The following KDM4A variants were observed in gnomAD, a reference collection of about 807,000 sequenced individuals.
KDM4A encodes the protein lysine-specific demethylase 4A.
KDM4A carries 23 observed loss-of-function variants against 127.1 expected under a neutral mutation model. The observed-to-expected ratio is 0.18, with a 90% CI of 0.13 to 0.26. KDM4A has a LOEUF of 0.26. Among genes scored for constraint, KDM4A ranks in the 10% least tolerant of loss-of-function variants. The pLI, the probability that KDM4A is intolerant of heterozygous loss-of-function variation, is 1.00. For synonymous variants in KDM4A, 443 were observed against 466.5 expected, an observed-to-expected ratio of 0.95 and a Z score of 0.65; for missense variants, 890 against 1,329.1, an observed-to-expected ratio of 0.67 and a Z score of 5.14.
Position 43,665,765 on chromosome 1 carries a change from T to C in KDM4A, c.673+20T>C. 1.9e-6 allele frequency: 3 copies of C among 1,613,622 alleles called. No homozygotes were observed. The highest frequency in any genetic ancestry group is 1.3e-5 in the African/African-American group (1 of 75,012). ...CCAAAGGTACTGTGTCTCTTCTGTT[T>C]GCTGGATTGGACCCTCCTATGAGCT... On this transcript the variant is annotated intron_variant, in intron 6 of 21. Coordinates refer to ENST00000372396, the MANE Select transcript of KDM4A (RefSeq NM_014663.3).
At chr1:43,651,519 G>T (rs574209592) in intron 1 of KDM4A, among the ~76,000 whole-genome samples, 2 of 152,284 alleles carry the variant, frequency 1.3e-5, no homozygotes, top group South Asian at 4.1e-4. Flanking sequence ...TGTGCTCCGT[G>T]TTCTGCTCCC....
At chr1:43,681,870 G>C (rs1325029476) in intron 11 of KDM4A, among the ~76,000 whole-genome samples, 2 of 152,060 alleles carry the variant, frequency 1.3e-5, no homozygotes, top group Non-Finnish European at 2.9e-5. Flanking sequence ...GTAATATATA[G>C]GTTGGGGGTA....
rs1217281502 is a variant in KDM4A, at chr1:43,693,705, C to G, written c.2376-289C>G. On this transcript the variant is annotated intron_variant, in intron 16 of 21. Coordinates refer to ENST00000372396, the MANE Select transcript of KDM4A (RefSeq NM_014663.3). This position sits in a 1 kb window ranked among gnomAD's most constrained non-coding sequence, Gnocchi z 4.2. ...CTCACTCCCTGAGACCTGCCACACA[C>G]CATTAGCCTGCAGCTCTGTTCATTT... 2.6e-5 allele frequency among the ~76,000 whole-genome samples: 4 copies of G among 152,240 alleles called. No individual in the cohort carries two copies. The highest frequency in any genetic ancestry group is 9.6e-5 in the African/African-American group (4 of 41,456).
chr1:43,652,712 G>A (rs938467279), intron 1 of KDM4A, among the ~76,000 whole-genome samples: 1 of 127,136 alleles, frequency 7.9e-6, no homozygotes, highest in African/African-American at 3.1e-5. Context: ...ACGGAGTTTC[G>A]CTCTTGTTGC....
Position 43,669,114 on chromosome 1 carries a change from G to A in KDM4A, c.1178G>A (p.Arg393Gln), listed in dbSNP as rs773852936. The A allele has an allele frequency of 4.3e-5, 69 of 1,614,064 alleles. No homozygotes were observed. Among genetic ancestry groups the A allele is most frequent in the Admixed American group, 8.3e-5 (5 of 59,998 alleles). Residue 393 changes from arginine to glutamine, a missense_variant, in exon 10 of 22, where the codon CGA becomes CAA. Arg to Gln is a conservative substitution (Grantham distance 43). Around this residue, in one of 7 missense-constraint regions of KDM4A, gnomAD observed 389 missense variants for 485.9 expected, o/e 0.80. Coordinates refer to ENST00000372396, the MANE Select transcript of KDM4A (RefSeq NM_014663.3). ...CTCCCTTGCAGCCTGGCCAAGCACC[G>A]AATAGGGACAAAGAGGCACCGAGTT... ...GDLKTSLAKH[R>Q]IGTKRHRVCL...
intron 3 of KDM4A, among the ~76,000 whole-genome samples, chr1:43,659,400 C>T (rs1660320411): frequency 6.6e-6 from 1 of 152,078 alleles, no homozygotes; most frequent in South Asian, 2.1e-4. Flanking sequence ...CTGCAGACTC[C>T]TCCTCCTGGG....
chr1:43,670,468 C>T (rs1034882196), intron 10 of KDM4A, among the ~76,000 whole-genome samples: 1 of 152,036 alleles, frequency 6.6e-6, no homozygotes. Flanking sequence ...ACACAGCTCA[C>T]TGCAGCCTCA....
At chr1:43,660,524 A>T in intron 4 of KDM4A, 112 bp downstream of exon 4, 3 of 1,406,340 alleles carry the variant, frequency 2.1e-6, no homozygotes, top group Non-Finnish European at 2.9e-6. Flanking sequence ...GGGTGGATGA[A>T]CAGATGATCT....
chr1:43,680,863 C>T (rs1214796430), intron 11 of KDM4A, among the ~76,000 whole-genome samples: 1 of 152,232 alleles, frequency 6.6e-6, no homozygotes, highest in Non-Finnish European at 1.5e-5. Flanking sequence ...AATCTTAATT[C>T]TCCTTTACCA....
chr1:43,686,284 C>A (rs144288620), intron 12 of KDM4A, among the ~76,000 whole-genome samples: 1 of 149,258 alleles, frequency 6.7e-6, no homozygotes, highest in Non-Finnish European at 1.5e-5. Context: ...GATCCACCCA[C>A]CTCGGCCTCC....
At chr1:43,668,160 C>G (rs1660541465) in intron 9 of KDM4A, 141 bp downstream of exon 9, 1 of 1,172,944 alleles carries the variant, frequency 8.5e-7, no homozygotes, top group South Asian at 1.5e-5. Context: ...GAGTCTCGCT[C>G]TGTCGCCCAG....
At chr1:43,672,909 T>TTTGG (rs1441923515) in intron 11 of KDM4A, among the ~76,000 whole-genome samples, 1 of 152,214 alleles carries the variant, frequency 6.6e-6, no homozygotes, top group Admixed American at 6.5e-5. Context: ...TCAGATGAGA[T>TTTGG]GACCTTTCTT....
At chr1:43,696,100 G>C (rs760296850) in intron 18 of KDM4A, among the ~76,000 whole-genome samples, 2 of 152,210 alleles carry the variant, frequency 1.3e-5, no homozygotes, top group Non-Finnish European at 2.9e-5. Flanking sequence ...GTTCCCATTA[G>C]AAACTGGGCT....
At chr1:43,680,187 C>A (rs1208235638) in intron 11 of KDM4A, among the ~76,000 whole-genome samples, 1 of 152,186 alleles carries the variant, frequency 6.6e-6, no homozygotes. Context: ...ATGGACCTGA[C>A]TACTTTGGTC....
intron 9 of KDM4A, among the ~76,000 whole-genome samples, chr1:43,668,420 C>T (rs892235130): frequency 3.0e-4 from 45 of 152,140 alleles, no homozygotes; most frequent in Admixed American, 2.2e-3. Flanking sequence ...CCACCGCGCC[C>T]GGCCGAGGCT....
intron 12 of KDM4A, among the ~76,000 whole-genome samples, chr1:43,685,104 G>A (rs1660941425): frequency 6.6e-6 from 1 of 152,130 alleles, no homozygotes. Context: ...TTGGGGAGGG[G>A]ACCAAGGGGG....
At chr1:43,679,378 TTGAC>T (rs1412122416) in intron 11 of KDM4A, among the ~76,000 whole-genome samples, 1 of 152,166 alleles carries the variant, frequency 6.6e-6, no homozygotes, top group African/African-American at 2.4e-5. Flanking sequence ...TCAGAATTAA[TTGAC>T]TGGGAGGAAT....
intron 11 of KDM4A, among the ~76,000 whole-genome samples, chr1:43,672,931 C>G (rs1660658141): frequency 6.6e-6 from 1 of 152,196 alleles, no homozygotes; most frequent in Non-Finnish European, 1.5e-5. Context: ...CCTTGAAATT[C>G]AAGGGTTTTT....
intron 12 of KDM4A, among the ~76,000 whole-genome samples, chr1:43,687,765 C>T (rs985810084): frequency 1.3e-5 from 2 of 152,224 alleles, no homozygotes; most frequent in Non-Finnish European, 2.9e-5. Context: ...GGGAAGTGTG[C>T]ACCTTTATCA....
Sources: gnomAD v4.1 joint callset for allele counts (sites outside exome capture counted in the v4.1 genomes callset) on GRCh38, gnomAD v4.1.1 for gene constraint, gnomAD v4.1.1 regional missense constraint, Gnocchi (gnomAD v3.1) non-coding constraint, MANE v1.5 for transcripts, NCBI Gene and HGNC (gene_info 2026-07-23, HGNC 2026-07-21) for gene names.